Variants in ARHGEF4 observed in about 807,000 individuals in gnomAD.
The protein encoded by ARHGEF4 is APC-stimulated guanine nucleotide exchange factor 1.
A neutral mutation model predicts 162.0 loss-of-function variants in ARHGEF4; 119 were observed. The observed-to-expected ratio is 0.73, with a 90% CI of 0.63 to 0.86. ARHGEF4 has a LOEUF of 0.86. Ranked by LOEUF, ARHGEF4 falls within the 40% of genes least tolerant of loss-of-function variation. The pLI is 0.00. For missense variants in ARHGEF4, 2,488 were observed against 2,456.0 expected (o/e 1.01, Z -0.28); for synonymous variants, 1,014 against 979.9 (o/e 1.03, Z -0.65).
chr2:131,027,664 C>G (rs1357770419), intron 4 of ARHGEF4, among the ~76,000 whole-genome samples: 1 of 152,174 alleles, frequency 6.6e-6, no homozygotes, highest in Non-Finnish European at 1.5e-5. Flanking sequence ...AAGGGGCTCT[C>G]GAGCTGTGTG....
intron 4 of ARHGEF4, among the ~76,000 whole-genome samples, chr2:130,989,233 T>C (rs1686775546): frequency 6.6e-6 from 1 of 152,196 alleles, no homozygotes; most frequent in South Asian, 2.1e-4. Context: ...AGTGCTGTGA[T>C]TACAGGCGTG....
intron 4 of ARHGEF4, among the ~76,000 whole-genome samples, chr2:131,024,272 T>C (rs1479391334): frequency 2.0e-5 from 3 of 152,124 alleles, no homozygotes; most frequent in Non-Finnish European, 2.9e-5. Context: ...TTTTGTTTTG[T>C]TTTTTGGGCG....
chr2:130,923,061 G>T (rs1046808436), intron 2 of ARHGEF4, among the ~76,000 whole-genome samples: 1 of 152,002 alleles, frequency 6.6e-6, no homozygotes, highest in Non-Finnish European at 1.5e-5. Context: ...CTCCCAAGTA[G>T]CTGGGACTAC....
Position 130,914,618 on chromosome 2 carries a change from C to T in ARHGEF4, c.672C>T (p.Ile224=). 7.2e-7 allele frequency: 1 copy of T among 1,393,924 alleles called. No homozygotes were observed. Among genetic ancestry groups the T allele is most frequent in the Non-Finnish European group, 9.3e-7 (1 of 1,080,836 alleles). The allele number at this position is 1,393,924 out of a possible 1,614,324, so 86.3% of individuals were successfully genotyped here. The change falls in exon 2 of 14, where the codon ATC becomes ATT. Residue 224 remains isoleucine (I), a synonymous_variant. Transcript: ENST00000409359. The stretch of plus-strand genomic sequence containing the variant: ...CCAGGTCTGAGAGCTATCTGGGCAT[C>T]CCAGTGGTCTGGCCCTTCCTTCTCT... ...QKSRSESYLG[I]PVVWPFLLWC... is the part of the protein sequence containing the mutation.
At chr2:130,946,444 G>A in intron 3 of ARHGEF4, 65 bp from the exon 4 acceptor site, 1 of 1,545,666 alleles carries the variant, frequency 6.5e-7, no homozygotes, top group Non-Finnish European at 8.7e-7. Context: ...AAGACTGCAG[G>A]GTGGCAATGA....
chr2:130,856,857 A>G (rs1681826934), intron 1 of ARHGEF4, among the ~76,000 whole-genome samples: 1 of 152,232 alleles, frequency 6.6e-6, no homozygotes, highest in Non-Finnish European at 1.5e-5. Context: ...GTGATTGGGA[A>G]CAAAGCTGCA....
At chr2:131,027,790 G>T (rs149707868) in intron 4 of ARHGEF4, among the ~76,000 whole-genome samples, 155 bp from the exon 5 acceptor site, 1 of 152,244 alleles carries the variant, frequency 6.6e-6, no homozygotes, top group East Asian at 1.9e-4. Context: ...ACATGTTTGT[G>T]GCAAGGATGG....
intron 1 of ARHGEF4, among the ~76,000 whole-genome samples, chr2:130,907,140 T>G (rs918937537): frequency 1.3e-5 from 2 of 152,136 alleles, no homozygotes; most frequent in African/African-American, 4.8e-5. Context: ...CTTTTGAGTT[T>G]GGCTTCTTTC....
chr2:130,946,344 T>A (rs1390663337), intron 3 of ARHGEF4, among the ~76,000 whole-genome samples, 165 bp from the exon 4 acceptor site: 1 of 152,202 alleles, frequency 6.6e-6, no homozygotes, highest in Non-Finnish European at 1.5e-5. Flanking sequence ...GAAGTTTTTC[T>A]TGTGAGTTTT....
intron 1 of ARHGEF4, among the ~76,000 whole-genome samples, chr2:130,892,627 G>T (rs1051188837): frequency 5.3e-5 from 8 of 152,202 alleles, no homozygotes; most frequent in African/African-American, 1.7e-4. Context: ...TTGCCCAAGG[G>T]CACAGAGCCT....
rs148621891 is a variant in ARHGEF4, at chr2:131,013,896, C to T, written c.3986-14049C>T. Among the ~76,000 whole-genome samples, 67 of 152,326 alleles carry T rather than the reference C, an allele frequency of 4.4e-4. No homozygotes were observed. In the East Asian group the frequency reaches 6.0e-3, roughly 14 times the overall value. The stretch of plus-strand genomic sequence containing the variant: ...GATTACAGGCGTGAGCCACCACACC[C>T]GGCCTAATTTGTTTTAAATAACTAG... On this transcript the variant is annotated intron_variant, in intron 4 of 13. Transcript: ENST00000409359.
chr2:131,042,050 C>T lies in ARHGEF4; in HGVS notation c.5025+106C>T. The T allele has an allele frequency of 2.1e-6, 3 of 1,430,442 alleles. No individual in the cohort carries two copies. In the South Asian group the frequency reaches 4.3e-5, roughly 20 times the overall value. 88.6% of individuals were successfully genotyped at this position (1,430,442 alleles called of 1,614,324 possible). A position where few individuals can be genotyped will look rare whatever the true frequency, so the allele number is the denominator to read the frequency against. On this transcript the variant is annotated intron_variant, in intron 10 of 13. Transcript: ENST00000409359. ...AAGGGAGCTGAAGCAGGGAGCTGCG[C>T]TCCTGGGAGCTAGCAACAGATGCTC... is the stretch of plus-strand genomic sequence containing the variant.
intron 11 of ARHGEF4, among the ~76,000 whole-genome samples, chr2:131,043,931 C>T (rs374474331): frequency 7.2e-5 from 11 of 152,202 alleles, no homozygotes; most frequent in Admixed American, 4.6e-4. Flanking sequence ...GCTTCCTCTA[C>T]GCTGCCGGCT....
At chr2:131,017,862 T>A (rs1424310170) in intron 4 of ARHGEF4, among the ~76,000 whole-genome samples, 1 of 152,216 alleles carries the variant, frequency 6.6e-6, no homozygotes, top group African/African-American at 2.4e-5. Context: ...ATTTCAGTTG[T>A]CTCCGAGTTG....
chr2:130,963,108 A>G (rs1340191270), intron 4 of ARHGEF4, among the ~76,000 whole-genome samples: 2 of 152,216 alleles, frequency 1.3e-5, no homozygotes, highest in Admixed American at 6.5e-5. Context: ...GGCTCCTTGC[A>G]GTGGGCCTCG....
chr2:130,934,552 T>C lies in ARHGEF4; in HGVS notation c.3858+3295T>C, dbSNP rs187262728. 3.5e-3 allele frequency among the ~76,000 whole-genome samples: 526 copies of C among 152,288 alleles called. 3 individuals carry two copies. The highest frequency in any genetic ancestry group is 0.012 in the African/African-American group (502 of 41,554). ...AGAGTTTATATTTCTTCTTGTTTTG[T>C]TTTGTTTTGAGATGGAGTCTCACTC... On this transcript the variant is annotated intron_variant, in intron 3 of 13. Transcript: ENST00000409359.
At chr2:130,936,493 T>G (rs1490804552) in intron 3 of ARHGEF4, among the ~76,000 whole-genome samples, 1 of 152,242 alleles carries the variant, frequency 6.6e-6, no homozygotes, top group Non-Finnish European at 1.5e-5. Context: ...CTTTTGGTTA[T>G]TAGTTGCATG....
At chr2:130,978,760 A>C (rs1300581590) in intron 4 of ARHGEF4, among the ~76,000 whole-genome samples, 1 of 152,230 alleles carries the variant, frequency 6.6e-6, no homozygotes, top group Non-Finnish European at 1.5e-5. Context: ...CCAAAAAAAA[A>C]AAAATTCTCC....
intron 4 of ARHGEF4, among the ~76,000 whole-genome samples, chr2:130,949,960 T>C (rs1683851460): frequency 6.6e-6 from 1 of 152,242 alleles, no homozygotes. Flanking sequence ...CTTTTGAGGC[T>C]TTTTATTAAT....
Sources: gnomAD v4.1 joint callset for allele counts (sites outside exome capture counted in the v4.1 genomes callset) on GRCh38, gnomAD v4.1.1 for gene constraint, MANE v1.5 for transcripts, NCBI Gene and HGNC (gene_info 2026-07-23, HGNC 2026-07-21) for gene names.